FYN: variants seen among roughly 807,000 people sequenced by gnomAD.
FYN encodes the protein tyrosine-protein kinase Fyn.
In FYN, 10 loss-of-function variants were observed where a neutral mutation model predicts 70.2. The ratio of observed to expected loss-of-function variants is 0.14; its 90% CI spans 0.09 to 0.24. The LOEUF (loss-of-function observed/expected upper bound fraction) is 0.24, where lower values mean the gene tolerates loss of function less well. FYN is among the 10% of genes least tolerant of loss of function. The probability of loss-of-function intolerance (pLI) is 1.00; values close to 1 mark genes in which losing one functional copy is unlikely to be tolerated. For synonymous variants in FYN, 236 were observed against 248.6 expected (o/e 0.95, Z 0.48); for missense variants, 319 against 673.1 (o/e 0.47, Z 5.82).
chr6:111,826,727 A>G (rs912138147), intron 2 of FYN, among the ~76,000 whole-genome samples: 1 of 152,172 alleles, frequency 6.6e-6, no homozygotes, highest in East Asian at 1.9e-4. Flanking sequence ...GAATTTACTC[A>G]TGTATTAATA....
At chr6:111,673,507 G>A (rs1178508148) in intron 13 of FYN, among the ~76,000 whole-genome samples, 1 of 151,626 alleles carries the variant, frequency 6.6e-6, no homozygotes, top group Non-Finnish European at 1.5e-5. Context: ...GGAACAAAGG[G>A]ATTACAAATT....
intron 4 of FYN, among the ~76,000 whole-genome samples, chr6:111,716,876 C>G (rs2128459430): frequency 6.6e-6 from 1 of 151,750 alleles, no homozygotes; most frequent in African/African-American, 2.4e-5. Context: ...CCTCCGCCTC[C>G]CGGGTTCAAG....
In FYN at chr6:111,739,863, G is replaced by A. The variant is rs368234863; in HGVS notation, c.-11-19801C>T. Among the ~76,000 whole-genome samples, 42 of 152,200 alleles carry A rather than the reference G, an allele frequency of 2.8e-4. No individual in the cohort carries two copies. The East Asian group carries it at 3.3e-3, about 12-fold the overall frequency. On this transcript the variant is annotated intron_variant, in intron 3 of 13. Transcript: ENST00000354650. The stretch of plus-strand genomic sequence containing the variant: ...TGTTAAGATGGAGTCTCACCCTGTC[G>A]CCCAGGCTGGAACCCAAAGGTGCAA...
intron 2 of FYN, chr6:111,818,890 C>T (rs1158679646): frequency 1.3e-5 from 2 of 152,220 alleles, no homozygotes; most frequent in African/African-American, 4.8e-5. Context: ...CATCAGCTTC[C>T]TCCATTGCCT....
intron 2 of FYN, among the ~76,000 whole-genome samples, chr6:111,808,007 C>A (rs1448991947): frequency 6.6e-6 from 1 of 152,134 alleles, no homozygotes; most frequent in Non-Finnish European, 1.5e-5. Context: ...ACTCGAGAGG[C>A]TGAGGTAGGA....
At chr6:111,720,899 T>C (rs971382175) in intron 3 of FYN, among the ~76,000 whole-genome samples, 18 of 152,064 alleles carry the variant, frequency 1.2e-4, no homozygotes, top group South Asian at 6.2e-4. Flanking sequence ...TCTAAGTAAA[T>C]GGGACCACCA....
At chr6:111,750,660 T>A (rs557311717) in intron 3 of FYN, among the ~76,000 whole-genome samples, 1 of 151,704 alleles carries the variant, frequency 6.6e-6, no homozygotes, top group Non-Finnish European at 1.5e-5. Flanking sequence ...TTTTCTTCCC[T>A]CCTTTCCTTT....
At position 111,782,438 on chromosome 6, in the gene FYN, T is replaced by A. The variant is rs149993242; in HGVS notation, c.-81-1803A>T. On this transcript the variant is annotated intron_variant, in intron 2 of 13. Coordinates refer to ENST00000354650, the MANE Select transcript of FYN (RefSeq NM_002037.5). ...TATCTCATTGCTCCTTCGCAGCCTA[T>A]GAGGTCCTAAACATGTAGATGGGAC... 1.5e-3 allele frequency among the ~76,000 whole-genome samples: 235 copies of A among 152,320 alleles called. 1 individual carries two copies. Among genetic ancestry groups the A allele is most frequent in the African/African-American group, 5.3e-3 (221 of 41,574 alleles).
intron 1 of FYN, among the ~76,000 whole-genome samples, chr6:111,871,908 G>A (rs1774285209): frequency 6.6e-6 from 1 of 152,232 alleles, no homozygotes; most frequent in Non-Finnish European, 1.5e-5. Context: ...GCATCCGGGG[G>A]TTCTTTTATT....
intron 4 of FYN, among the ~76,000 whole-genome samples, chr6:111,716,156 TTTC>T (rs1199586348): frequency 1.3e-5 from 2 of 152,208 alleles, no homozygotes; most frequent in Non-Finnish European, 2.9e-5. Context: ...CAGAGTCTAT[TTTC>T]TTTTGTGCTG....
At chr6:111,819,130 A>G (rs890653971) in intron 2 of FYN, among the ~76,000 whole-genome samples, 1 of 151,982 alleles carries the variant, frequency 6.6e-6, no homozygotes, top group African/African-American at 2.4e-5. Flanking sequence ...TCCATTCCCT[A>G]TTTTGGTTGG....
chr6:111,749,359 C>T (rs1057205707), intron 3 of FYN, among the ~76,000 whole-genome samples: 1 of 152,138 alleles, frequency 6.6e-6, no homozygotes, highest in African/African-American at 2.4e-5. Flanking sequence ...AGCTGCCCTA[C>T]GGAAAAGAGG....
At chr6:111,706,092 T>C (rs965166174) in intron 6 of FYN, among the ~76,000 whole-genome samples, 24 of 152,244 alleles carry the variant, frequency 1.6e-4, no homozygotes, top group African/African-American at 5.8e-4. Flanking sequence ...AATGATACTC[T>C]GTGCCACTTT....
chr6:111,739,887 A>C (rs2128477949), intron 3 of FYN, among the ~76,000 whole-genome samples: 1 of 152,314 alleles, frequency 6.6e-6, no homozygotes, highest in East Asian at 1.9e-4. Context: ...CCAAAGGTGC[A>C]ATCTTAGCTC....
rs189467477 is a variant in FYN, at chr6:111,782,451, A to G, written c.-81-1816T>C. 4.1e-4 allele frequency among the ~76,000 whole-genome samples: 62 copies of G among 152,282 alleles called. 1 individual carries two copies. The highest frequency in any genetic ancestry group is 1.4e-3 in the African/African-American group (58 of 41,560). ...CTTCGCAGCCTATGAGGTCCTAAAC[A>G]TGTAGATGGGACACCTAAGCATTCT... On this transcript the variant is annotated intron_variant, in intron 2 of 13. Coordinates refer to ENST00000354650, the MANE Select transcript of FYN (RefSeq NM_002037.5).
At chr6:111,793,354 AT>A (rs796380570) in intron 2 of FYN, among the ~76,000 whole-genome samples, 64 of 147,916 alleles carry the variant, frequency 4.3e-4, no homozygotes, top group East Asian at 5.9e-4. Flanking sequence ...ATTCAAGCCC[AT>A]TTTTTTTTTT....
intron 2 of FYN, among the ~76,000 whole-genome samples, chr6:111,818,379 C>T (rs560745296): frequency 6.6e-6 from 1 of 152,190 alleles, no homozygotes; most frequent in Admixed American, 6.5e-5. Context: ...GGGTGGCTGG[C>T]TTGATCTGAT....
intron 2 of FYN, among the ~76,000 whole-genome samples, chr6:111,835,548 C>A (rs1200458979): frequency 1.3e-5 from 2 of 152,224 alleles, no homozygotes; most frequent in Non-Finnish European, 2.9e-5. Context: ...ATTCCTGAAG[C>A]AAGTCCTGCC....
At chr6:111,863,077 T>C (rs900703973) in intron 1 of FYN, among the ~76,000 whole-genome samples, 15 of 152,336 alleles carry the variant, frequency 9.8e-5, no homozygotes, top group African/African-American at 3.6e-4. Context: ...TCTGCCTCCA[T>C]TCACTGGGCT....
Sources: allele counts gnomAD v4.1 joint callset (sites outside exome capture counted in the v4.1 genomes callset), GRCh38; gene constraint gnomAD v4.1.1; transcripts MANE v1.5; gene names NCBI Gene and HGNC (gene_info 2026-07-23, HGNC 2026-07-21).